The following SPMIP11 variants were observed in gnomAD, a reference collection of about 807,000 sequenced individuals.
SPMIP11 encodes the protein long intergenic non-protein coding RNA 935.
chr12:48,768,281 G>C, the SPMIP11 span: 1 of 448,930 alleles, frequency 2.2e-6, no homozygotes, highest in South Asian at 2.4e-5. Context: ...TAATCCCTCA[G>C]GCAAGAGGCC....
At chr12:48,737,511 T>C in the SPMIP11 span, among the ~76,000 whole-genome samples, 1 of 149,354 alleles carries the variant, frequency 6.7e-6, no homozygotes, top group Non-Finnish European at 1.5e-5. Context: ...GCCTCCTGGG[T>C]TCAAGCGATT....
chr12:48,746,360 C>CTTT, the SPMIP11 span, among the ~76,000 whole-genome samples: 174 of 101,212 alleles, frequency 1.7e-3, no homozygotes, highest in East Asian at 3.2e-3. Flanking sequence ...ACTATAATTC[C>CTTT]TTTTTTTTTT....
chr12:48,739,596 C>T, the SPMIP11 span, among the ~76,000 whole-genome samples: 2 of 152,064 alleles, frequency 1.3e-5, no homozygotes, highest in South Asian at 2.1e-4. Context: ...CCTCAGGAAA[C>T]TTACACTCAT....
chr12:48,768,216 C>T, the SPMIP11 span: 1 of 334,954 alleles, frequency 3.0e-6, no homozygotes, highest in Non-Finnish European at 5.7e-6. Context: ...AGGGCTCAGC[C>T]CTGAACCTGC....
chr12:48,738,644 C>G, the SPMIP11 span, among the ~76,000 whole-genome samples: 1 of 151,902 alleles, frequency 6.6e-6, no homozygotes, highest in Non-Finnish European at 1.5e-5. Flanking sequence ...ATGCCATTCT[C>G]CTGCCTCAGC....
At chr12:48,771,032 C>T in the SPMIP11 span, 1 of 1,544,418 alleles carries the variant, frequency 6.5e-7, no homozygotes, top group African/African-American at 1.4e-5. The surrounding 1 kb of genome is among the most constrained non-coding windows in gnomAD (Gnocchi z 4.3). Context: ...CCTGCCCCAA[C>T]ACTCATTTCT....
chr12:48,763,551 T>G, the SPMIP11 span, among the ~76,000 whole-genome samples: 1 of 151,864 alleles, frequency 6.6e-6, no homozygotes, highest in East Asian at 1.9e-4. Flanking sequence ...AATGAATTAT[T>G]AGGGATTTTA....
the SPMIP11 span, among the ~76,000 whole-genome samples, chr12:48,735,561 G>A: frequency 3.0e-4 from 45 of 151,980 alleles, 1 homozygote; most frequent in Middle Eastern, 0.02. Context: ...CTCCAGCCTA[G>A]GCAACAAGAT....
the SPMIP11 span, chr12:48,771,428 T>C: frequency 5.2e-5 from 29 of 559,888 alleles, no homozygotes; most frequent in Admixed American, 1.5e-4. This position sits in a 1 kb window ranked among gnomAD's most constrained non-coding sequence, Gnocchi z 4.3. Context: ...TATTGCCTTC[T>C]TCTTCAGTGA....
At chr12:48,731,860 A>G in the SPMIP11 span, among the ~76,000 whole-genome samples, 1 of 152,132 alleles carries the variant, frequency 6.6e-6, no homozygotes, top group Non-Finnish European at 1.5e-5. Context: ...TTTAAAACTC[A>G]AACTTTGGCC....
chr12:48,734,195 C>T, the SPMIP11 span, among the ~76,000 whole-genome samples: 2 of 152,100 alleles, frequency 1.3e-5, no homozygotes, highest in Non-Finnish European at 2.9e-5. Flanking sequence ...GCCTCAAACT[C>T]CTGGGCTTAA....
At chr12:48,741,286 G>A in the SPMIP11 span, among the ~76,000 whole-genome samples, 3 of 151,590 alleles carry the variant, frequency 2.0e-5, no homozygotes, top group African/African-American at 7.3e-5. Flanking sequence ...CCCAACCTCA[G>A]GTGATCCACC....
chr12:48,762,495 G>GTA, the SPMIP11 span, among the ~76,000 whole-genome samples: 1 of 146,848 alleles, frequency 6.8e-6, no homozygotes, highest in Non-Finnish European at 1.5e-5. Context: ...AGCCTCCTAA[G>GTA]TAGCTGGGAT....
chr12:48,749,849 G>A, the SPMIP11 span, among the ~76,000 whole-genome samples: 262 of 151,134 alleles, frequency 1.7e-3, 1 homozygote, highest in African/African-American at 5.4e-3. Context: ...CCGCCACCAT[G>A]CCCAGCTAAG....
At chr12:48,729,930 G>A in the SPMIP11 span, among the ~76,000 whole-genome samples, 1 of 151,766 alleles carries the variant, frequency 6.6e-6, no homozygotes, top group African/African-American at 2.4e-5. Flanking sequence ...TTATGCCATG[G>A]GACTGTTTTT....
the SPMIP11 span, among the ~76,000 whole-genome samples, chr12:48,744,642 C>T: frequency 6.6e-6 from 1 of 151,946 alleles, no homozygotes; most frequent in South Asian, 2.1e-4. Context: ...TTGCTTGAAC[C>T]CGGGAGGCGG....
the SPMIP11 span, among the ~76,000 whole-genome samples, chr12:48,757,489 T>C: frequency 6.7e-6 from 1 of 150,136 alleles, no homozygotes; most frequent in Non-Finnish European, 1.5e-5. Context: ...CTACTAAAAA[T>C]ACAAAAATGA....
the SPMIP11 span, chr12:48,771,246 C>T: frequency 1.9e-6 from 1 of 525,344 alleles, no homozygotes; most frequent in African/African-American, 1.9e-5. This position sits in a 1 kb window ranked among gnomAD's most constrained non-coding sequence, Gnocchi z 4.3. Flanking sequence ...TTTCTCCAAT[C>T]CTTACCTTTT....
chr12:48,754,285 G>A, the SPMIP11 span, among the ~76,000 whole-genome samples: 65 of 152,036 alleles, frequency 4.3e-4, 1 homozygote, highest in Non-Finnish European at 5.6e-4. Flanking sequence ...CATGCCTGTA[G>A]TCTCAACTAC....
Sources: allele counts gnomAD v4.1 joint callset (sites outside exome capture counted in the v4.1 genomes callset), GRCh38; gene constraint gnomAD v4.1.1; non-coding constraint Gnocchi (gnomAD v3.1); transcripts MANE v1.5; gene names NCBI Gene and HGNC (gene_info 2026-07-23, HGNC 2026-07-21).